Variants in VANGL1 observed in about 807,000 individuals in gnomAD.
VANGL1 encodes VANGL planar cell polarity protein 1.
Under a neutral mutation model 48.4 loss-of-function variants are expected in VANGL1, and 18 were observed. That is an observed-to-expected ratio of 0.37 (90% CI 0.26 to 0.55). The LOEUF is 0.55. Among genes scored for constraint, VANGL1 ranks in the 20% least tolerant of loss-of-function variants. The pLI is 0.81. For missense variants in VANGL1, 667 were observed against 675.8 expected (o/e 0.99, Z 0.14); for synonymous variants, 257 against 261.8 (o/e 0.98, Z 0.18).
chr1:115,677,295 A>G (rs984064756), intron 4 of VANGL1, among the ~76,000 whole-genome samples: 6 of 152,266 alleles, frequency 3.9e-5, no homozygotes, highest in Non-Finnish European at 7.3e-5. Context: ...CATGGCAGTC[A>G]TGTAACAGTT....
chr1:115,643,452 C>T (rs1022759343), intron 1 of VANGL1, among the ~76,000 whole-genome samples: 2 of 152,146 alleles, frequency 1.3e-5, no homozygotes, highest in Admixed American at 6.5e-5. Context: ...ATAGTTGGGG[C>T]TTTGATTTGT....
chr1:115,644,970 C>T (rs189569444), intron 1 of VANGL1, among the ~76,000 whole-genome samples: 1 of 152,150 alleles, frequency 6.6e-6, no homozygotes, highest in African/African-American at 2.4e-5. Flanking sequence ...ATAAAAGAAT[C>T]ATTGGGTTTG....
At chr1:115,670,691 G>A (rs1652943916) in intron 4 of VANGL1, among the ~76,000 whole-genome samples, 2 of 152,174 alleles carry the variant, frequency 1.3e-5, no homozygotes, top group Non-Finnish European at 2.9e-5. Flanking sequence ...TGGCTGCAAC[G>A]TTGGGAAAAT....
At chr1:115,679,332 A>T (rs1210803233) in intron 4 of VANGL1, among the ~76,000 whole-genome samples, 1 of 152,194 alleles carries the variant, frequency 6.6e-6, no homozygotes. Context: ...ACTCTTTGGG[A>T]GGACTGTGAG....
chr1:115,663,053 G>A (rs1348196349), intron 3 of VANGL1, among the ~76,000 whole-genome samples: 1 of 152,108 alleles, frequency 6.6e-6, no homozygotes, highest in African/African-American at 2.4e-5. Flanking sequence ...CCAAAGTACG[G>A]GGATTACAGG....
intron 4 of VANGL1, among the ~76,000 whole-genome samples, chr1:115,679,846 G>A (rs1653310404): frequency 6.6e-6 from 1 of 152,066 alleles, no homozygotes; most frequent in Non-Finnish European, 1.5e-5. Context: ...GAGGAGGGGG[G>A]ATGAAGTGAG....
Position 115,690,799 on chromosome 1 carries a change from G to A in VANGL1, c.1315-320G>A, listed in dbSNP as rs576029899. ...TCAAGTAGGACCATACCCTAAGAAT[G>A]GAGTGATGCAGCCATGACGGCTTCC... is the stretch of plus-strand genomic sequence containing the variant. On this transcript the variant is annotated intron_variant, in intron 7 of 7. Coordinates refer to ENST00000355485, the MANE Select transcript of VANGL1 (RefSeq NM_138959.3). Among the ~76,000 whole-genome samples the A allele has an allele frequency of 7.0e-4, 107 of 152,232 alleles. 1 individual carries two copies. Among genetic ancestry groups the A allele is most frequent in the Non-Finnish European group, 1.4e-3 (93 of 68,048 alleles).
intron 2 of VANGL1, among the ~76,000 whole-genome samples, chr1:115,655,418 C>G (rs953125498): frequency 6.6e-6 from 1 of 152,240 alleles, no homozygotes; most frequent in Non-Finnish European, 1.5e-5. Flanking sequence ...TTTGCTCACA[C>G]ACGTGTGGTG....
chr1:115,650,696 C>T (rs948600569), intron 1 of VANGL1, among the ~76,000 whole-genome samples: 1 of 151,778 alleles, frequency 6.6e-6, no homozygotes, highest in Non-Finnish European at 1.5e-5. Context: ...TTACCTATTC[C>T]TGTATTCTGG....
At position 115,664,216 on chromosome 1, in the gene VANGL1, GT is replaced by G. The variant is rs1652688509; in HGVS notation, c.761del (p.Val254GlyfsTer17). 1 of 1,614,014 alleles carries G rather than the reference GT, an allele frequency of 6.2e-7. No homozygotes were observed. The highest frequency in any genetic ancestry group is 1.3e-5 in the African/African-American group (1 of 74,926). ...RQLQPMFTLQ[V>X]VRSTDGESRF... ...GCTGCAGCCCATGTTCACGCTGCAG[GT>G]GGTCCGCTCCACCGATGGCGAGTCC... On this transcript the variant is annotated frameshift_variant, in exon 4 of 8. Coordinates refer to ENST00000355485, the MANE Select transcript of VANGL1 (RefSeq NM_138959.3). LOFTEE classifies it high-confidence loss of function.
intron 7 of VANGL1, among the ~76,000 whole-genome samples, chr1:115,687,967 T>TAGATAGAA (rs1653693733): frequency 8.6e-6 from 1 of 116,456 alleles, no homozygotes; most frequent in Non-Finnish European, 1.8e-5. Flanking sequence ...GATAGATAGA[T>TAGATAGAA]AGATAGATAG....
intron 3 of VANGL1, among the ~76,000 whole-genome samples, chr1:115,661,034 C>T (rs554979623): frequency 6.6e-6 from 1 of 152,284 alleles, no homozygotes; most frequent in East Asian, 1.9e-4. Context: ...TCTGCATCTC[C>T]TCTGCACCTC....
intron 2 of VANGL1, among the ~76,000 whole-genome samples, chr1:115,658,137 A>G (rs557791980): frequency 2.6e-5 from 4 of 152,352 alleles, no homozygotes; most frequent in Admixed American, 2.6e-4. Flanking sequence ...TGCTGTAGGA[A>G]TAGAATTGTT....
rs1652683067 is a variant in VANGL1, at chr1:115,664,135, G to A, written c.679G>A (p.Val227Met). ...CATTGTGCAATATGCAGTCTCCCTTGTGGATGCCCTCCTCTTCATCCATTA... is the reference window on the plus strand; with the variant it reads ...CATTGTGCAATATGCAGTCTCCCTTATGGATGCCCTCCTCTTCATCCATTA... Reference protein sequence around the residue: ...QGIVQYAVSLVDALLFIHYLA... With the variant: ...QGIVQYAVSLMDALLFIHYLA... The change falls in exon 4 of 8, where the codon GTG becomes ATG. Residue 227 changes from valine to methionine, a missense_variant. Transcript: ENST00000355485. 2 of 1,614,208 alleles carry A rather than the reference G, an allele frequency of 1.2e-6. No homozygotes were observed. The highest frequency in any genetic ancestry group is 1.6e-4 in the Middle Eastern group (1 of 6,062).
intron 2 of VANGL1, among the ~76,000 whole-genome samples, chr1:115,655,802 G>A (rs1275371729): frequency 6.6e-6 from 1 of 152,150 alleles, no homozygotes; most frequent in Non-Finnish European, 1.5e-5. Context: ...GTTTTCCCTG[G>A]AGTTGTGGCA....
At chr1:115,646,033 C>T (rs1281255265) in intron 1 of VANGL1, among the ~76,000 whole-genome samples, 1 of 152,086 alleles carries the variant, frequency 6.6e-6, no homozygotes, top group African/African-American at 2.4e-5. Flanking sequence ...ATTATCATAA[C>T]ATATTATTTC....
In VANGL1 at chr1:115,698,082, T is replaced by C. The variant is rs1654093099; in HGVS notation, c.*6703T>C. 1 of 152,240 alleles carries C rather than the reference T, an allele frequency of 6.6e-6. No homozygotes were observed. Among genetic ancestry groups the C allele is most frequent in the Non-Finnish European group, 1.5e-5 (1 of 68,046 alleles). 9.4% of individuals were successfully genotyped at this position (152,240 alleles called of 1,614,324 possible). On this transcript the variant is annotated 3_prime_UTR_variant, in exon 8 of 8. Transcript: ENST00000355485. Reference sequence around the variant, plus strand: ...AACAGAGTTAGTGTCTCTGATGGAATAGTGTACCTGTCACCCAAGTTATTT... The same window carrying C: ...AACAGAGTTAGTGTCTCTGATGGAACAGTGTACCTGTCACCCAAGTTATTT...
intron 5 of VANGL1, 79 bp from the exon 6 acceptor site, chr1:115,683,865 C>A: frequency 6.4e-7 from 1 of 1,569,618 alleles, no homozygotes; most frequent in Non-Finnish European, 8.7e-7. Flanking sequence ...ACAACACTGA[C>A]AGATTGGGTA....
intron 4 of VANGL1, among the ~76,000 whole-genome samples, chr1:115,679,082 G>T (rs1157991761): frequency 6.6e-6 from 1 of 152,162 alleles, no homozygotes; most frequent in Non-Finnish European, 1.5e-5. Flanking sequence ...AATACTGCCA[G>T]GTATGCTGGG....
Sources: gnomAD v4.1 joint callset for allele counts (sites outside exome capture counted in the v4.1 genomes callset) on GRCh38, gnomAD v4.1.1 for gene constraint, MANE v1.5 for transcripts, NCBI Gene and HGNC (gene_info 2026-07-23, HGNC 2026-07-21) for gene names.